TRMT9B: variants seen among roughly 807,000 people sequenced by gnomAD.
TRMT9B encodes the protein probable tRNA methyltransferase 9B.
A neutral mutation model predicts 11.5 loss-of-function variants in TRMT9B; 16 were observed. The ratio of observed to expected loss-of-function variants is 1.39; its 90% CI spans 0.94 to 2.11. The LOEUF (loss-of-function observed/expected upper bound fraction) is 2.11. Among genes scored for constraint, TRMT9B ranks in the 30% most tolerant of loss-of-function variants. The pLI is 0.00. For synonymous variants in TRMT9B, 274 were observed against 192.4 expected (o/e 1.42, Z -3.51); for missense variants, 941 against 553.8 (o/e 1.70, Z -7.02).
intron 4 of TRMT9B, 129 bp from the exon 5 acceptor site, chr8:13,020,879 C>T: frequency 3.4e-6 from 2 of 584,424 alleles, no homozygotes; most frequent in South Asian, 6.3e-5. Flanking sequence ...ATCATCGTTG[C>T]CATGGAGGAA....
intron 2 of TRMT9B, among the ~76,000 whole-genome samples, chr8:12,991,681 C>T (rs1020642169): frequency 1.3e-5 from 2 of 152,122 alleles, no homozygotes; most frequent in Non-Finnish European, 2.9e-5. Context: ...GCCTGTAATT[C>T]CAGCACTTTG....
chr8:12,945,726 T>C lies in TRMT9B; in HGVS notation c.-440T>C, dbSNP rs1471452056. ...CACACATGTATATGTCAGAAGTAGA[T>C]GCACATGTTCTTTTGGCTTTTTTTC... On this transcript the variant is annotated 5_prime_UTR_variant, in exon 1 of 5. The change abolishes an upstream ATG in the 5' untranslated region. Coordinates refer to ENST00000524591, the MANE Select transcript of TRMT9B (RefSeq NM_020844.3). 6.6e-6 allele frequency: 1 copy of C among 152,250 alleles called. No individual in the cohort carries two copies. Among genetic ancestry groups the C allele is most frequent in the Non-Finnish European group, 1.5e-5 (1 of 68,046 alleles). 9.4% of individuals were successfully genotyped at this position (152,250 alleles called of 1,614,324 possible).
In TRMT9B at chr8:13,006,652, C is replaced by T. The variant is rs938617303; in HGVS notation, c.154+296C>T. The stretch of plus-strand genomic sequence containing the variant: ...AGTCAAGTCAGCAGCAAGTAAAAAA[C>T]TTTCTCAAACTTTTATTTTATTTTT... On this transcript the variant is annotated intron_variant, in intron 3 of 4. Transcript: ENST00000524591. 3.0e-6 allele frequency: 4 copies of T among 1,348,902 alleles called. No homozygotes were observed. In the African/African-American group the frequency reaches 5.8e-5, roughly 20 times the overall value. The allele number at this position is 1,348,902 out of a possible 1,614,324, so 83.6% of individuals were successfully genotyped here. A position where few individuals can be genotyped will look rare whatever the true frequency, so the allele number is the denominator to read the frequency against.
intron 1 of TRMT9B, among the ~76,000 whole-genome samples, chr8:12,952,981 G>T (rs894296652): frequency 6.6e-6 from 1 of 152,002 alleles, no homozygotes; most frequent in East Asian, 1.9e-4. Flanking sequence ...CTCGTGATCC[G>T]CCTGCCTCGG....
chr8:12,983,079 G>A (rs906017953), intron 1 of TRMT9B, among the ~76,000 whole-genome samples: 1 of 152,114 alleles, frequency 6.6e-6, no homozygotes, highest in African/African-American at 2.4e-5. Context: ...CCTGCTCTGT[G>A]GTGTAAAGAT....
intron 1 of TRMT9B, among the ~76,000 whole-genome samples, chr8:12,966,505 G>T (rs528671072): frequency 6.4e-4 from 97 of 152,268 alleles, no homozygotes; most frequent in African/African-American, 1.8e-3. Context: ...AATAAAAAAT[G>T]TGTTACTTAT....
chr8:12,997,079 T>G (rs772026743), intron 2 of TRMT9B, among the ~76,000 whole-genome samples: 9 of 152,078 alleles, frequency 5.9e-5, no homozygotes, highest in Non-Finnish European at 1.0e-4. Flanking sequence ...ACAGTGTGTA[T>G]TCTTTTGTGG....
intron 1 of TRMT9B, chr8:12,952,741 G>GT (rs146209847): frequency 0.036 from 33,583 of 939,680 alleles, 650 homozygotes; most frequent in South Asian, 0.088. Flanking sequence ...TATGTGTGGG[G>GT]TTTTTTTTGT....
At chr8:13,004,396 C>A (rs1038060431) in intron 2 of TRMT9B, among the ~76,000 whole-genome samples, 2 of 151,602 alleles carry the variant, frequency 1.3e-5, no homozygotes, top group African/African-American at 4.8e-5. Context: ...GCTCCTGGCT[C>A]CAAAAGAGCC....
chr8:13,018,418 A>G (rs565102773), intron 4 of TRMT9B, among the ~76,000 whole-genome samples: 1 of 144,818 alleles, frequency 6.9e-6, no homozygotes, highest in East Asian at 2.1e-4. Flanking sequence ...AACGACAACA[A>G]AGAAAAAAAC....
intron 2 of TRMT9B, among the ~76,000 whole-genome samples, chr8:12,991,318 A>G (rs1386385770): frequency 7.9e-5 from 12 of 152,250 alleles, no homozygotes; most frequent in Admixed American, 7.2e-4. Flanking sequence ...ACAAAAGTTT[A>G]CAATATCATT....
At chr8:13,001,907 C>A (rs987131794) in intron 2 of TRMT9B, among the ~76,000 whole-genome samples, 1 of 152,122 alleles carries the variant, frequency 6.6e-6, no homozygotes, top group Non-Finnish European at 1.5e-5. Flanking sequence ...GAAACCCGTG[C>A]TCTTGTTTTA....
intron 1 of TRMT9B, among the ~76,000 whole-genome samples, chr8:12,963,238 C>T (rs62488980): frequency 0.055 from 8,300 of 152,138 alleles, 273 homozygotes; most frequent in East Asian, 0.11. Flanking sequence ...TTGAGACCAG[C>T]TGGCCAATAT....
chr8:12,946,563 C>A (rs1800274446), intron 1 of TRMT9B, among the ~76,000 whole-genome samples: 1 of 152,064 alleles, frequency 6.6e-6, no homozygotes, highest in Non-Finnish European at 1.5e-5. Flanking sequence ...GTTGATGTCA[C>A]CCTGGTGGAG....
Position 13,012,896 on chromosome 8 carries a change from G to A in TRMT9B, c.328+39G>A, listed in dbSNP as rs113109749. The A allele has an allele frequency of 7.6e-4, 1,219 of 1,604,218 alleles. 9 individuals carry two copies. In the African/African-American group the frequency reaches 0.015, roughly 20 times the overall value. ...ATCACACATTCACCCTTTGCCATGA[G>A]AATAATTGACCCGGTTTAGTCCGTT... On this transcript the variant is annotated intron_variant, in intron 4 of 4. Transcript: ENST00000524591.
At chr8:12,990,139 TG>T (rs1807077943) in intron 1 of TRMT9B, among the ~76,000 whole-genome samples, 1 of 152,112 alleles carries the variant, frequency 6.6e-6, no homozygotes, top group African/African-American at 2.4e-5. Context: ...AACACACAAG[TG>T]ATAAGGAAAC....
At chr8:12,987,650 C>T (rs1202250878) in intron 1 of TRMT9B, among the ~76,000 whole-genome samples, 1 of 151,548 alleles carries the variant, frequency 6.6e-6, no homozygotes, top group East Asian at 1.9e-4. Flanking sequence ...TACGATGGTG[C>T]CACTGCACTC....
At chr8:13,000,454 C>G (rs1366722010) in intron 2 of TRMT9B, among the ~76,000 whole-genome samples, 1 of 152,140 alleles carries the variant, frequency 6.6e-6, no homozygotes, top group African/African-American at 2.4e-5. Context: ...TTCCATCCTC[C>G]AAGAAATAAA....
rs548909155 is a variant in TRMT9B at position 12,970,177 on chromosome 8, G to C, written c.-199-20657G>C. ...TATGTGCAAAGTGTTTCACTTCTGT[G>C]AACAAAAATATTTGAAACAAAAAAC... is the stretch of plus-strand genomic sequence containing the variant. On this transcript the variant is annotated intron_variant, in intron 1 of 4. Coordinates refer to ENST00000524591, the MANE Select transcript of TRMT9B (RefSeq NM_020844.3). 2.6e-5 allele frequency: 4 copies of C among 152,188 alleles called. No individual in the cohort carries two copies. In the South Asian group the frequency reaches 8.3e-4, roughly 32 times the overall value. 9.4% of individuals were successfully genotyped at this position (152,188 alleles called of 1,614,324 possible).
Sources: gnomAD v4.1 joint callset for allele counts (sites outside exome capture counted in the v4.1 genomes callset) on GRCh38, gnomAD v4.1.1 for gene constraint, MANE v1.5 for transcripts, NCBI Gene and HGNC (gene_info 2026-07-23, HGNC 2026-07-21) for gene names.